FTO: variants seen among roughly 807,000 people sequenced by gnomAD.
The protein encoded by FTO is FTO alpha-ketoglutarate dependent dioxygenase.
FTO carries 47 observed loss-of-function variants against 63.9 expected under a neutral mutation model. The observed-to-expected ratio is 0.74, with a 90% CI of 0.58 to 0.94. FTO has a LOEUF of 0.94. FTO is among the 40% of genes least tolerant of loss of function. The pLI is 0.00. For missense variants in FTO, 562 were observed against 618.1 expected, an observed-to-expected ratio of 0.91 and a Z score of 0.96; for synonymous variants, 207 against 224.4, an observed-to-expected ratio of 0.92 and a Z score of 0.69.
chr16:53,847,016 G>A (rs1232233342), intron 4 of FTO, among the ~76,000 whole-genome samples: 1 of 152,070 alleles, frequency 6.6e-6, no homozygotes, highest in African/African-American at 2.4e-5. Context: ...GTCTTTTTCT[G>A]TATATGTATG....
At chr16:54,082,467 A>C (rs1372203810) in intron 8 of FTO, among the ~76,000 whole-genome samples, 1 of 152,204 alleles carries the variant, frequency 6.6e-6, no homozygotes, top group Non-Finnish European at 1.5e-5. Flanking sequence ...TTAAGGTATT[A>C]GAAGATTAGG....
chr16:53,876,875 C>T (rs2080670728), intron 5 of FTO, among the ~76,000 whole-genome samples: 1 of 152,158 alleles, frequency 6.6e-6, no homozygotes, highest in South Asian at 2.1e-4. Context: ...TGCAGTGAGG[C>T]AAGATTGCAC....
chr16:53,713,876 C>G (rs2075834923), intron 1 of FTO, among the ~76,000 whole-genome samples: 1 of 152,138 alleles, frequency 6.6e-6, no homozygotes, highest in African/African-American at 2.4e-5. Context: ...TTGATTAGCT[C>G]TTTCCCATCC....
At chr16:53,920,538 C>T (rs1430155661) in intron 7 of FTO, among the ~76,000 whole-genome samples, 5 of 152,038 alleles carry the variant, frequency 3.3e-5, no homozygotes, top group African/African-American at 1.2e-4. Flanking sequence ...TATAATTTTC[C>T]CAAATCTTTC....
chr16:53,787,129 A>AAAAAAAAAAAAAAG (rs2077766213), intron 1 of FTO, among the ~76,000 whole-genome samples: 1 of 148,224 alleles, frequency 6.7e-6, no homozygotes, highest in African/African-American at 2.5e-5. Context: ...AAAAAAAAAA[A>AAAAAAAAAAAAAAG]AAAAAAAAAA....
chr16:54,074,911 A>T (rs866367144), intron 8 of FTO, among the ~76,000 whole-genome samples: 166 of 115,844 alleles, frequency 1.4e-3, no homozygotes, highest in South Asian at 4.6e-3. Context: ...AGAGAGAGAG[A>T]GAGAGAGTGT....
At chr16:53,997,249 C>A (rs2083957029) in intron 8 of FTO, among the ~76,000 whole-genome samples, 1 of 151,748 alleles carries the variant, frequency 6.6e-6, no homozygotes, top group Non-Finnish European at 1.5e-5. Flanking sequence ...GAAAGAGAAA[C>A]CATCAGATCT....
intron 8 of FTO, among the ~76,000 whole-genome samples, chr16:54,086,942 G>T (rs1467582159): frequency 6.6e-6 from 1 of 152,200 alleles, no homozygotes; most frequent in Non-Finnish European, 1.5e-5. Flanking sequence ...TAAGGAAAAA[G>T]CAAACTCAGC....
intron 1 of FTO, among the ~76,000 whole-genome samples, chr16:53,750,626 G>A (rs1480054064): frequency 1.3e-5 from 2 of 152,218 alleles, no homozygotes; most frequent in Admixed American, 6.5e-5. Context: ...GGCCTGCAAA[G>A]CCTGAAATGT....
chr16:53,901,716 C>T (rs568596621), intron 7 of FTO, among the ~76,000 whole-genome samples: 3 of 152,244 alleles, frequency 2.0e-5, no homozygotes, highest in African/African-American at 4.8e-5. Context: ...TGGTCTTTCC[C>T]ACCTTTGCAC....
chr16:54,027,127 A>G (rs1001889264), intron 8 of FTO, among the ~76,000 whole-genome samples: 2 of 152,194 alleles, frequency 1.3e-5, no homozygotes, highest in Non-Finnish European at 2.9e-5. Context: ...AATACCAGCT[A>G]AAGAGAAACA....
intron 3 of FTO, 150 bp from the exon 4 acceptor site, chr16:53,844,005 T>A: frequency 1.5e-6 from 1 of 679,238 alleles, no homozygotes; most frequent in Non-Finnish European, 2.4e-6. Context: ...ACCTAGAATA[T>A]CTTTTTAAAA....
chr16:53,803,367 T>C (rs2078275278), intron 1 of FTO, among the ~76,000 whole-genome samples: 1 of 152,194 alleles, frequency 6.6e-6, no homozygotes, highest in Admixed American at 6.5e-5. Context: ...TTTTTTTGTA[T>C]GTTGTAGTGT....
intron 7 of FTO, among the ~76,000 whole-genome samples, chr16:53,932,394 T>G (rs1242203473): frequency 6.7e-6 from 1 of 149,126 alleles, no homozygotes; most frequent in Non-Finnish European, 1.5e-5. Context: ...CTGATGTGGT[T>G]TTTTTTTTTT....
At chr16:54,039,280 A>G (rs1327275137) in intron 8 of FTO, 2 of 152,236 alleles carry the variant, frequency 1.3e-5, no homozygotes, top group East Asian at 1.9e-4. Flanking sequence ...TGTTTTGTGA[A>G]CTTTGATGAG....
intron 8 of FTO, among the ~76,000 whole-genome samples, chr16:53,955,554 AG>A (rs2082909879): frequency 6.6e-6 from 1 of 152,184 alleles, no homozygotes; most frequent in Non-Finnish European, 1.5e-5. Context: ...TTAGGGTTGG[AG>A]TAAAGACTTC....
At chr16:53,957,355 C>G (rs2082954513) in intron 8 of FTO, among the ~76,000 whole-genome samples, 1 of 152,192 alleles carries the variant, frequency 6.6e-6, no homozygotes, top group Admixed American at 6.5e-5. Flanking sequence ...CATTTTTATT[C>G]TTCAGAGTGT....
intron 1 of FTO, among the ~76,000 whole-genome samples, chr16:53,752,092 C>T (rs1045015556): frequency 6.6e-6 from 1 of 152,160 alleles, no homozygotes; most frequent in African/African-American, 2.4e-5. Context: ...AGTGGCAGAA[C>T]ACGAGCAATC....
chr16:53,976,450 G>A (rs1182960009), intron 8 of FTO, among the ~76,000 whole-genome samples: 1 of 140,756 alleles, frequency 7.1e-6, no homozygotes, highest in Non-Finnish European at 1.6e-5. Flanking sequence ...AGAAATTTAT[G>A]TGTCAGGTTT....
Sources: allele counts gnomAD v4.1 joint callset (sites outside exome capture counted in the v4.1 genomes callset), GRCh38; gene constraint gnomAD v4.1.1; transcripts MANE v1.5; gene names NCBI Gene and HGNC (gene_info 2026-07-23, HGNC 2026-07-21).